Variants in CPZ observed in about 807,000 individuals in gnomAD.
CPZ encodes the protein VEZT/CPZ fusion.
Under a neutral mutation model 61.8 loss-of-function variants are expected in CPZ, and 103 were observed. The observed-to-expected ratio is 1.67, with a 90% CI of 1.42 to 1.96. The LOEUF (loss-of-function observed/expected upper bound fraction) is 1.96, where lower values mean the gene tolerates loss of function less well. CPZ is among the 30% of genes most tolerant of loss of function. CPZ has a pLI of 0.00. For missense variants in CPZ, 1,461 were observed against 914.9 expected, an observed-to-expected ratio of 1.60 and a Z score of -7.70; for synonymous variants, 551 against 373.7, an observed-to-expected ratio of 1.47 and a Z score of -5.47.
chr4:8,601,656 C>G, intron 3 of CPZ, 159 bp downstream of exon 3: 2 of 801,330 alleles, frequency 2.5e-6, no homozygotes, highest in Non-Finnish European at 3.6e-6. Flanking sequence ...ATGTTCCCCA[C>G]AAAAGGGTGC....
chr4:8,610,826 G>T (rs1560299540), intron 7 of CPZ, among the ~76,000 whole-genome samples: 4 of 152,140 alleles, frequency 2.6e-5, no homozygotes, highest in Non-Finnish European at 5.9e-5. Context: ...CCCTTGGTTT[G>T]TGTCTGTGGG....
At chr4:8,601,797 C>T (rs552795049) in intron 3 of CPZ, among the ~76,000 whole-genome samples, 39 of 152,240 alleles carry the variant, frequency 2.6e-4, no homozygotes, top group African/African-American at 9.6e-5. Context: ...GCAGTGCCCC[C>T]GCCCAGGGTG....
chr4:8,611,740 CCA>C (rs966069481), intron 7 of CPZ, among the ~76,000 whole-genome samples: 1 of 152,002 alleles, frequency 6.6e-6, no homozygotes, highest in Non-Finnish European at 1.5e-5. Context: ...GAGAGAAAGC[CCA>C]CACTACCCGG....
At chr4:8,611,003 TTCAC>T (rs760333886) in intron 7 of CPZ, among the ~76,000 whole-genome samples, 81 of 89,114 alleles carry the variant, frequency 9.1e-4, no homozygotes, top group African/African-American at 1.7e-3. Context: ...CTTTCACTCA[TTCAC>T]TCACTCATTC....
At position 8,601,218 on chromosome 4, in the gene CPZ, G is replaced by A. The variant is rs1278994795; in HGVS notation, c.217G>A (p.Val73Met). The change falls in exon 3 of 11, where the codon GTG becomes ATG. Residue 73 changes from valine to methionine, a missense_variant. By Grantham distance (21) the Val-to-Met change is conservative (BLOSUM62 1). Coordinates refer to ENST00000360986, the MANE Select transcript of CPZ (RefSeq NM_001014447.3). ...NLLQHRSWEV[V>M]EASSEYILLS... ...GCTTCAGCACCGGTCGTGGGAGGTG[G>A]TGGAGGCCAGCTCCGAGTACATCCT... 1 of 1,613,430 alleles carries A rather than the reference G, an allele frequency of 6.2e-7. No individual in the cohort carries two copies. The highest frequency in any genetic ancestry group is 1.1e-5 in the South Asian group (1 of 91,072).
Position 8,601,350 on chromosome 4 carries a change from C to A in CPZ, c.349C>A (p.Pro117Thr). The A allele has an allele frequency of 2.5e-6, 4 of 1,604,644 alleles. No homozygotes were observed. The highest frequency in any genetic ancestry group is 3.4e-6 in the Non-Finnish European group (4 of 1,173,524). ...PRCEGGWVRR[P>T]CRHICEGLRE... ...GTGTGAGGGCGGCTGGGTGCGCAGA[C>A]CCTGCCGGCACATCTGCGAGGGCCT... The change falls in exon 3 of 11, where the codon CCC becomes ACC. Residue 117 changes from proline to threonine, a missense_variant. Transcript: ENST00000360986.
At position 8,606,042 on chromosome 4, in the gene CPZ, C is replaced by G. The variant is rs766742485; in HGVS notation, c.763C>G (p.Arg255Gly). ...GNIHGNEVAG[R>G]EMLIYLAQYL... ...CATTCATGGCAACGAGGTGGCGGGC[C>G]GGGAGATGCTCATCTACCTAGCCCA... is the stretch of plus-strand genomic sequence containing the variant. Residue 255 changes from arginine (R) to glycine (G), a missense_variant, in exon 5 of 11, where the codon CGG (arginine) becomes GGG (glycine). Coordinates refer to ENST00000360986, the MANE Select transcript of CPZ (RefSeq NM_001014447.3). The G allele has an allele frequency of 2.5e-6, 4 of 1,614,016 alleles. No individual in the cohort carries two copies. The highest frequency in any genetic ancestry group is 1.1e-5 in the South Asian group (1 of 91,080).
rs138293094 is a variant in CPZ, at chr4:8,606,558, G to C, written c.907-179G>C. 1.7e-4 allele frequency among the ~76,000 whole-genome samples: 26 copies of C among 152,286 alleles called. No homozygotes were observed. The East Asian group carries it at 5.0e-3, about 30-fold the overall frequency. ...GGAAGGCCCCAAGGCTGTGACATCA[G>C]CAAGGAGCCCCGGGGTGGAGAGGAG... is the stretch of plus-strand genomic sequence containing the variant. On this transcript the variant is annotated intron_variant, in intron 5 of 10. Coordinates refer to ENST00000360986, the MANE Select transcript of CPZ (RefSeq NM_001014447.3).
intron 7 of CPZ, 112 bp downstream of exon 7, chr4:8,607,537 T>G: frequency 7.7e-7 from 1 of 1,299,294 alleles, no homozygotes; most frequent in Non-Finnish European, 1.0e-6. Flanking sequence ...TAGGAACCTC[T>G]ACTCAGAGCG....
chr4:8,612,292 C>T (rs1715778691), intron 8 of CPZ, 130 bp downstream of exon 8: 1 of 774,494 alleles, frequency 1.3e-6, no homozygotes, highest in Non-Finnish European at 2.0e-6. Context: ...AGGGCGATGC[C>T]TCACCTGGTG....
intron 1 of CPZ, among the ~76,000 whole-genome samples, chr4:8,595,063 C>A (rs958077833): frequency 6.6e-6 from 1 of 152,232 alleles, no homozygotes; most frequent in African/African-American, 2.4e-5. Context: ...TGAGCCACCA[C>A]GCCTGGCCTG....
chr4:8,600,844 C>T (rs1416073589), intron 2 of CPZ: 10 of 991,298 alleles, frequency 1.0e-5, no homozygotes, highest in Non-Finnish European at 1.2e-5. Context: ...CCTTGTGTGG[C>T]ACAGCTGCTT....
At chr4:8,617,435 G>A (rs1224806763) in intron 9 of CPZ, among the ~76,000 whole-genome samples, 2 of 152,216 alleles carry the variant, frequency 1.3e-5, no homozygotes, top group African/African-American at 4.8e-5. Flanking sequence ...GACCCTGTGG[G>A]CCCAGGCTCT....
rs1215917229 is a variant in CPZ at position 8,597,541 on chromosome 4, C to A, written c.89-1912C>A. The A allele has an allele frequency of 3.9e-5, 6 of 152,366 alleles. No individual in the cohort carries two copies. The East Asian group carries it at 1.2e-3, about 30-fold the overall frequency. 9.4% of individuals were successfully genotyped at this position (152,366 alleles called of 1,614,324 possible). A position where few individuals can be genotyped will look rare whatever the true frequency, so the allele number is the denominator to read the frequency against. Reference sequence around the variant, plus strand: ...TGACAGTCATCCAGGGGGACTCAAGCTCCTCTGTGCTCATCCCAGCGCGCG... The same window carrying A: ...TGACAGTCATCCAGGGGGACTCAAGATCCTCTGTGCTCATCCCAGCGCGCG... On this transcript the variant is annotated intron_variant, in intron 1 of 10. Transcript: ENST00000360986.
At chr4:8,615,789 C>G (rs567100290) in intron 9 of CPZ, among the ~76,000 whole-genome samples, 1 of 152,300 alleles carries the variant, frequency 6.6e-6, no homozygotes, top group African/African-American at 2.4e-5. Flanking sequence ...GAGCCCCCTC[C>G]TTTCTAGAAA....
chr4:8,615,758 C>T (rs1716111405), intron 9 of CPZ, among the ~76,000 whole-genome samples: 1 of 152,206 alleles, frequency 6.6e-6, no homozygotes, highest in Non-Finnish European at 1.5e-5. Flanking sequence ...AGATCTGCTT[C>T]TTCCCAAGCC....
intron 9 of CPZ, 64 bp downstream of exon 9, chr4:8,614,562 G>A (rs1716003839): frequency 1.3e-6 from 2 of 1,555,964 alleles, no homozygotes; most frequent in Non-Finnish European, 1.7e-6. Context: ...GTCACATTCA[G>A]GCCCCCAGGG....
Position 8,619,417 on chromosome 4 carries a change from G to A in CPZ, c.1759G>A (p.Gly587Arg), listed in dbSNP as rs766618011. The A allele has an allele frequency of 1.2e-6, 2 of 1,614,134 alleles. No individual in the cohort carries two copies. The highest frequency in any genetic ancestry group is 1.7e-5 in the Admixed American group (1 of 60,012). The change falls in exon 11 of 11, where the codon GGA becomes AGA. Residue 587 changes from glycine to arginine, a missense_variant. By Grantham distance (125) the Gly-to-Arg change is moderately radical. Transcript: ENST00000360986. ...CTTCATTCTGCAACCTCTGGGGATG[G>A]GACCCAAGAACTTTATTCATGGGCT... Reference protein sequence around the residue: ...VDFILQPLGMGPKNFIHGLRR... With the variant: ...VDFILQPLGMRPKNFIHGLRR...
chr4:8,607,394 A>G lies in CPZ; in HGVS notation c.1196A>G (p.Glu399Gly), dbSNP rs1202611725. 2.5e-6 allele frequency: 4 copies of G among 1,613,522 alleles called. No individual in the cohort carries two copies. Residue 399 changes from glutamate to glycine, a missense_variant, in exon 7 of 11, where the codon GAG becomes GGG. Glu to Gly is a moderately conservative substitution (Grantham distance 98). Transcript: ENST00000360986. ...GACTTCTCCAAGCACCCCCAGGAGG[A>G]GAAGATGTTTTCTCCCACGCCCGAC... ...PFDFSKHPQEEKMFSPTPDEK... is the reference protein window; with the variant it reads ...PFDFSKHPQEGKMFSPTPDEK...
Sources: allele counts gnomAD v4.1 joint callset (sites outside exome capture counted in the v4.1 genomes callset), GRCh38; gene constraint gnomAD v4.1.1; transcripts MANE v1.5; gene names NCBI Gene and HGNC (gene_info 2026-07-23, HGNC 2026-07-21).